The following LRRC75A variants were observed in gnomAD, a reference collection of about 807,000 sequenced individuals.
LRRC75A encodes the protein leucine-rich repeat-containing protein 75A.
In LRRC75A, 12 loss-of-function variants were observed where a neutral mutation model predicts 26.0. The ratio of observed to expected loss-of-function variants is 0.46; its 90% CI spans 0.30 to 0.75. The LOEUF is 0.75. LRRC75A is among the 30% of genes least tolerant of loss of function. The probability of loss-of-function intolerance (pLI) is 0.08; values close to 1 mark genes in which losing one functional copy is unlikely to be tolerated. For synonymous variants in LRRC75A, 223 were observed against 219.3 expected (o/e 1.02, Z -0.15); for missense variants, 410 against 486.6 (o/e 0.84, Z 1.48).
At chr17:16,463,854 C>T (rs1283062597) in intron 1 of LRRC75A, 1 of 152,350 alleles carries the variant, frequency 6.6e-6, no homozygotes, top group Non-Finnish European at 1.5e-5. Context: ...TGGGCATGTT[C>T]TGCAGATTGC....
chr17:16,444,156 G>C, intron 3 of LRRC75A, 25 bp from the exon 4 acceptor site: 2 of 1,554,856 alleles, frequency 1.3e-6, no homozygotes, highest in Non-Finnish European at 1.7e-6. Context: ...GACAAACAAG[G>C]CTCAGGCACA....
intron 1 of LRRC75A, among the ~76,000 whole-genome samples, chr17:16,472,667 G>A (rs543819133): frequency 1.3e-5 from 2 of 152,326 alleles, no homozygotes; most frequent in Middle Eastern, 3.4e-3. Flanking sequence ...AGAATTAGGC[G>A]TATCAGAGTA....
intron 3 of LRRC75A, 46 bp downstream of exon 3, chr17:16,447,797 AAC>A (rs35661885): frequency 0.031 from 43,382 of 1,400,772 alleles, 808 homozygotes; most frequent in Non-Finnish European, 0.038. Context: ...GGTGCCCTGT[AAC>A]ACACACTCAG....
At chr17:16,451,238 C>T (rs532837713) in intron 2 of LRRC75A, among the ~76,000 whole-genome samples, 6 of 152,236 alleles carry the variant, frequency 3.9e-5, no homozygotes, top group African/African-American at 1.2e-4. Flanking sequence ...GACCCCCACC[C>T]AGAGGCCACT....
At chr17:16,449,971 C>T (rs767665683) in intron 2 of LRRC75A, among the ~76,000 whole-genome samples, 36 of 152,126 alleles carry the variant, frequency 2.4e-4, no homozygotes, top group Non-Finnish European at 4.4e-4. Flanking sequence ...AGAAAGAAAA[C>T]GTGAGGCATC....
chr17:16,444,682 T>C (rs891398509), intron 3 of LRRC75A, among the ~76,000 whole-genome samples: 19 of 151,864 alleles, frequency 1.3e-4, no homozygotes, highest in African/African-American at 4.4e-4. Flanking sequence ...AGCTGCTGAC[T>C]CCTGGAGGCT....
At chr17:16,481,388 T>C (rs985377262) in intron 1 of LRRC75A, among the ~76,000 whole-genome samples, 1 of 152,176 alleles carries the variant, frequency 6.6e-6, no homozygotes, top group Non-Finnish European at 1.5e-5. Context: ...TGTTTATACA[T>C]GTAAATCTCC....
intron 1 of LRRC75A, among the ~76,000 whole-genome samples, chr17:16,465,219 T>C (rs2093758813): frequency 6.6e-6 from 1 of 152,238 alleles, no homozygotes; most frequent in Admixed American, 6.5e-5. Context: ...TGAGCACCCC[T>C]GGCACCTAGT....
At chr17:16,479,290 C>T (rs1240387847) in intron 1 of LRRC75A, among the ~76,000 whole-genome samples, 3 of 152,214 alleles carry the variant, frequency 2.0e-5, no homozygotes, top group African/African-American at 4.8e-5. Context: ...GGCAAGTACC[C>T]GCCTGAGAGG....
At chr17:16,455,633 C>T (rs561661444) in intron 2 of LRRC75A, among the ~76,000 whole-genome samples, 1 of 152,250 alleles carries the variant, frequency 6.6e-6, no homozygotes, top group East Asian at 1.9e-4. Context: ...CCACCTGCCT[C>T]GACCTCCCTA....
At chr17:16,490,005 C>A (rs2093854174) in intron 1 of LRRC75A, among the ~76,000 whole-genome samples, 1 of 152,202 alleles carries the variant, frequency 6.6e-6, no homozygotes, top group South Asian at 2.1e-4. Flanking sequence ...TCTACTCTCC[C>A]TCAAGGCAGG....
intron 3 of LRRC75A, 137 bp from the exon 4 acceptor site, chr17:16,444,268 G>A: frequency 4.2e-6 from 3 of 716,528 alleles, no homozygotes; most frequent in Non-Finnish European, 6.7e-6. Context: ...GATGCCACAA[G>A]TGCAGAGGTG....
At chr17:16,472,583 C>A (rs2093809988) in intron 1 of LRRC75A, among the ~76,000 whole-genome samples, 4 of 152,154 alleles carry the variant, frequency 2.6e-5, no homozygotes, top group Admixed American at 2.6e-4. Flanking sequence ...CACAGGGTGG[C>A]CCTGGAGCAA....
intron 2 of LRRC75A, among the ~76,000 whole-genome samples, chr17:16,448,470 C>A (rs1568950083): frequency 6.6e-6 from 1 of 152,196 alleles, no homozygotes; most frequent in South Asian, 2.1e-4. Context: ...AAAGTGAGAA[C>A]AAATGAATGA....
intron 3 of LRRC75A, 94 bp downstream of exon 3, chr17:16,447,751 T>A: frequency 2.1e-6 from 2 of 949,988 alleles, no homozygotes; most frequent in Non-Finnish European, 3.1e-6. Flanking sequence ...CCACCCCCCA[T>A]GACTCCGCCC....
rs866797519 is a variant in LRRC75A at position 16,453,304 on chromosome 17, A to G, written c.376-5344T>C. 4.4e-5 allele frequency among the ~76,000 whole-genome samples: 6 copies of G among 135,672 alleles called. No homozygotes were observed. In the East Asian group the frequency reaches 7.8e-4, roughly 18 times the overall value. 89.0% of individuals were successfully genotyped at this position (135,672 alleles called of 152,430 possible). A position where few individuals can be genotyped will look rare whatever the true frequency, so the allele number is the denominator to read the frequency against. On this transcript the variant is annotated intron_variant, in intron 2 of 3. Coordinates refer to ENST00000470794, the MANE Select transcript of LRRC75A (RefSeq NM_001113567.3). ...ACTGGTGTGGGACTCCTAAACACACACACACACGCACACACGCACACACGC... is the reference window on the plus strand; with the variant it reads ...ACTGGTGTGGGACTCCTAAACACACGCACACACGCACACACGCACACACGC...
Position 16,462,773 on chromosome 17 carries a change from A to T in LRRC75A, c.247-387T>A, listed in dbSNP as rs36117589. On this transcript the variant is annotated intron_variant, in intron 1 of 3. Coordinates refer to ENST00000470794, the MANE Select transcript of LRRC75A (RefSeq NM_001113567.3). The surrounding 1 kb of genome is among the most constrained non-coding windows in gnomAD (Gnocchi z 4.6). ...AACTGCCTTGTGACAGGATGGTTTAATGATATTTATTTGTGTTTTCTTCCT... is the reference window on the plus strand; with the variant it reads ...AACTGCCTTGTGACAGGATGGTTTATTGATATTTATTTGTGTTTTCTTCCT... 0.2 allele frequency: 41,014 copies of T among 200,514 alleles called. 5,077 individuals carry two copies. The highest frequency in any genetic ancestry group is 0.28 in the Non-Finnish European group (27,874 of 97,940). 12.4% of individuals were successfully genotyped at this position (200,514 alleles called of 1,614,324 possible). A position where few individuals can be genotyped will look rare whatever the true frequency, so the allele number is the denominator to read the frequency against.
chr17:16,492,056 C>A lies in LRRC75A; in HGVS notation c.-66G>T. The A allele has an allele frequency of 9.3e-7, 1 of 1,076,610 alleles. No individual in the cohort carries two copies. The highest frequency in any genetic ancestry group is 1.1e-6 in the Non-Finnish European group (1 of 890,864). The allele number at this position is 1,076,610 out of a possible 1,614,324, so 66.7% of individuals were successfully genotyped here. A position where few individuals can be genotyped will look rare whatever the true frequency, so the allele number is the denominator to read the frequency against. ...GGCCGCGTCCCCGCCAACCGCCCGC[C>A]CCTCGGCCGCCCGTGCGCGCTCGCC... On this transcript the variant is annotated 5_prime_UTR_variant, in exon 1 of 4. Transcript: ENST00000470794.
intron 1 of LRRC75A, among the ~76,000 whole-genome samples, chr17:16,478,181 CTTTT>C (rs1174797128): frequency 1.1e-4 from 17 of 148,608 alleles, no homozygotes; most frequent in African/African-American, 4.0e-4. Context: ...CCATTTTCTT[CTTTT>C]TTTTTCTTTT....
Sources: gnomAD v4.1 joint callset for allele counts (sites outside exome capture counted in the v4.1 genomes callset) on GRCh38, gnomAD v4.1.1 for gene constraint, Gnocchi (gnomAD v3.1) non-coding constraint, MANE v1.5 for transcripts, NCBI Gene and HGNC (gene_info 2026-07-23, HGNC 2026-07-21) for gene names.